The following LARP4B variants were observed in gnomAD, a reference collection of about 807,000 sequenced individuals.
LARP4B encodes the protein La ribonucleoprotein 4B, also known as la-related protein 4B.
In LARP4B, 12 loss-of-function variants were observed where a neutral mutation model predicts 89.8. The observed-to-expected ratio is 0.13, with a 90% CI of 0.09 to 0.22. LARP4B has a LOEUF of 0.22. LARP4B is among the 10% of genes least tolerant of loss of function. The pLI is 1.00. For missense variants in LARP4B, 757 were observed against 947.7 expected, an observed-to-expected ratio of 0.80 and a Z score of 2.64; for synonymous variants, 367 against 363.3, an observed-to-expected ratio of 1.01 and a Z score of -0.12.
intron 5 of LARP4B, among the ~76,000 whole-genome samples, chr10:849,956 CT>C (rs1287286334): frequency 6.6e-6 from 1 of 152,142 alleles, no homozygotes; most frequent in Non-Finnish European, 1.5e-5. Flanking sequence ...CAAGAGGAGC[CT>C]AAGGAGACGT....
At chr10:868,596 C>T (rs956269768) in intron 3 of LARP4B, among the ~76,000 whole-genome samples, 2 of 152,316 alleles carry the variant, frequency 1.3e-5, no homozygotes, top group African/African-American at 2.4e-5. Context: ...TGGTAACTAA[C>T]TGAAAATTAT....
intron 14 of LARP4B, 32 bp downstream of exon 14, chr10:820,768 C>A (rs756095746): frequency 1.3e-6 from 2 of 1,568,764 alleles, no homozygotes; most frequent in Non-Finnish European, 1.7e-6. Flanking sequence ...ATTTAAATGT[C>A]TTGTGAAGAG....
upstream of LARP4B, among the ~76,000 whole-genome samples, chr10:936,176 G>A (rs1455689637): frequency 2.0e-5 from 3 of 152,012 alleles, no homozygotes; most frequent in African/African-American, 2.4e-5. Flanking sequence ...GAGTACCTAC[G>A]CGGTCTCAGG....
intron 1 of LARP4B, among the ~76,000 whole-genome samples, chr10:919,195 T>C (rs372046590): frequency 1.4e-4 from 21 of 152,350 alleles, no homozygotes; most frequent in East Asian, 1.9e-4. Flanking sequence ...AGGGCCTGTA[T>C]CTCTGATGCT....
At chr10:922,973 G>A (rs1837027424) in intron 1 of LARP4B, among the ~76,000 whole-genome samples, 1 of 152,084 alleles carries the variant, frequency 6.6e-6, no homozygotes, top group Non-Finnish European at 1.5e-5. Context: ...TACTTGGGAG[G>A]CTGAGGCAGG....
At chr10:988,213 G>A in the LARP4B span, 6 of 454,148 alleles carry the variant, frequency 1.3e-5, no homozygotes, top group Admixed American at 8.4e-5. Context: ...TTACTCAGCA[G>A]GAATTTAGTC....
At chr10:905,280 T>C (rs1230329023) in intron 1 of LARP4B, among the ~76,000 whole-genome samples, 1 of 152,260 alleles carries the variant, frequency 6.6e-6, no homozygotes, top group Non-Finnish European at 1.5e-5. Context: ...AAATGCCATT[T>C]AACAGTGTTA....
In LARP4B at chr10:829,754, C is replaced by T. The variant is rs745593956; in HGVS notation, c.862-20G>A. On this transcript the variant is annotated intron_variant, in intron 9 of 17. Coordinates refer to ENST00000316157, the MANE Select transcript of LARP4B (RefSeq NM_015155.3). The stretch of plus-strand genomic sequence containing the variant: ...GTAAGCCTAAGGGCAAAATTAAGTA[C>T]AAAATTCCATTCGATTAACCTTATG... The T allele has an allele frequency of 6.4e-5, 102 of 1,592,790 alleles. No homozygotes were observed. The highest frequency in any genetic ancestry group is 8.1e-5 in the African/African-American group (6 of 74,504).
Position 813,156 on chromosome 10 carries a change from A to G in LARP4B, c.1987T>C (p.Ser663Pro), listed in dbSNP as rs377129130. 13 of 1,613,764 alleles carry G rather than the reference A, an allele frequency of 8.1e-6. No individual in the cohort carries two copies. Among genetic ancestry groups the G allele is most frequent in the Middle Eastern group, 1.6e-4 (1 of 6,084 alleles). ...ICQRTSKEPP[S>P]SPLQPQKEQK... ...TCTTTTTGGGGTTGCAATGGGGAAGAAGGAGGCTCTTTACTCGTTCTCTGA... is the reference window on the plus strand; with the variant it reads ...TCTTTTTGGGGTTGCAATGGGGAAGGAGGAGGCTCTTTACTCGTTCTCTGA... The change falls in exon 18 of 18, where the codon TCT becomes CCT. Residue 663 changes from serine to proline, a missense_variant. Ser to Pro is a moderately conservative substitution (Grantham distance 74). Around this residue, in one of 5 missense-constraint regions of LARP4B, gnomAD observed 387 missense variants for 423.6 expected, o/e 0.91. Coordinates refer to ENST00000316157, the MANE Select transcript of LARP4B (RefSeq NM_015155.3).
At chr10:971,450 T>C in the LARP4B span, 24 of 152,292 alleles carry the variant, frequency 1.6e-4, no homozygotes, top group Non-Finnish European at 3.2e-4. Flanking sequence ...CCCAAACTAT[T>C]TTATAACAAT....
chr10:872,435 T>C (rs912771571), intron 3 of LARP4B, among the ~76,000 whole-genome samples: 14 of 152,192 alleles, frequency 9.2e-5, no homozygotes, highest in African/African-American at 3.4e-4. Context: ...GCCCAGCTCC[T>C]CTGCCACGCT....
At chr10:861,185 C>T (rs947133904) in intron 5 of LARP4B, among the ~76,000 whole-genome samples, 7 of 152,002 alleles carry the variant, frequency 4.6e-5, no homozygotes, top group African/African-American at 7.3e-5. Context: ...ACCGGTTCCA[C>T]GGAGAAAGGA....
intron 3 of LARP4B, among the ~76,000 whole-genome samples, chr10:868,142 C>A (rs1835010986): frequency 6.6e-6 from 1 of 151,892 alleles, no homozygotes; most frequent in Admixed American, 6.6e-5. Flanking sequence ...GTCTCTCTGA[C>A]AAGTTACTGA....
the LARP4B span, among the ~76,000 whole-genome samples, chr10:959,007 C>T: frequency 1.6e-4 from 25 of 152,170 alleles, no homozygotes. Context: ...AGTCTCTGGG[C>T]AGAGGAAGGA....
Position 813,221 on chromosome 10 carries a change from C to G in LARP4B, c.1930-8G>C, listed in dbSNP as rs1564374771. 1 of 1,603,048 alleles carries G rather than the reference C, an allele frequency of 6.2e-7. No homozygotes were observed. The highest frequency in any genetic ancestry group is 1.3e-5 in the African/African-American group (1 of 74,296). ...GCTGGGCTTTCGCAATTCCTGGAAA[C>G]AGACAATCCTGGGTTACCTGTGTGA... is the stretch of plus-strand genomic sequence containing the variant. On this transcript the variant is annotated splice_region_variant and splice_polypyrimidine_tract_variant and intron_variant, in intron 17 of 17. Coordinates refer to ENST00000316157, the MANE Select transcript of LARP4B (RefSeq NM_015155.3).
At chr10:862,445 A>G (rs1834672344) in intron 5 of LARP4B, among the ~76,000 whole-genome samples, 1 of 152,010 alleles carries the variant, frequency 6.6e-6, no homozygotes, top group African/African-American at 2.4e-5. Context: ...GATAACGAAA[A>G]GCCCATGGCA....
chr10:851,719 T>C (rs1251930011), intron 5 of LARP4B, among the ~76,000 whole-genome samples: 1 of 152,100 alleles, frequency 6.6e-6, no homozygotes, highest in African/African-American at 2.4e-5. Flanking sequence ...AAGAAATAAA[T>C]GAGTAGCACT....
At chr10:827,087 A>G (rs2839949) in intron 11 of LARP4B, among the ~76,000 whole-genome samples, 73,986 of 151,960 alleles carry the variant, frequency 0.49, 18,233 homozygotes, top group South Asian at 0.64. Context: ...CATCCTGGCT[A>G]ACATGGTGAA....
chr10:960,928 C>T, the LARP4B span, among the ~76,000 whole-genome samples: 1 of 152,108 alleles, frequency 6.6e-6, no homozygotes, highest in Non-Finnish European at 1.5e-5. Flanking sequence ...CTTTGGTCTG[C>T]CACAGAATCG....
Sources: allele counts gnomAD v4.1 joint callset (sites outside exome capture counted in the v4.1 genomes callset), GRCh38; gene constraint gnomAD v4.1.1; regional missense constraint gnomAD v4.1.1; transcripts MANE v1.5; gene names NCBI Gene and HGNC (gene_info 2026-07-23, HGNC 2026-07-21).